Variants in ACSBG1 observed in about 807,000 individuals in gnomAD.
ACSBG1 encodes acyl-CoA synthetase bubblegum family member 1.
In ACSBG1, 39 loss-of-function variants were observed where a neutral mutation model predicts 80.2. The observed-to-expected ratio is 0.49, with a 90% CI of 0.38 to 0.64. ACSBG1 has a LOEUF of 0.64. Ranked by LOEUF, ACSBG1 falls within the 30% of genes least tolerant of loss-of-function variation. The pLI is 0.00. For synonymous variants in ACSBG1, 392 were observed against 379.5 expected (o/e 1.03, Z -0.38); for missense variants, 828 against 966.4 (o/e 0.86, Z 1.90).
Position 78,193,488 on chromosome 15 carries a change from A to C in ACSBG1, c.663+18T>G, listed in dbSNP as rs1328912374. The C allele has an allele frequency of 1.9e-6, 3 of 1,600,044 alleles. No homozygotes were observed. The African/African-American group carries it at 4.0e-5, about 21-fold the overall frequency. On this transcript the variant is annotated intron_variant, in intron 5 of 13. Coordinates refer to ENST00000258873, the MANE Select transcript of ACSBG1 (RefSeq NM_015162.5). The stretch of plus-strand genomic sequence containing the variant: ...ATACCCAGCATCTGACCCCATGCCC[A>C]CTGCCTCTTCCCCAAACCTTCAGGA...
chr15:78,177,832 C>T lies in ACSBG1; in HGVS notation c.1702+782G>A, dbSNP rs1342270520. Among the ~76,000 whole-genome samples the T allele has an allele frequency of 3.3e-5, 5 of 152,156 alleles. No individual in the cohort carries two copies. The highest frequency in any genetic ancestry group is 4.2e-4 in the South Asian group (2 of 4,818). On this transcript the variant is annotated intron_variant, in intron 11 of 13. Coordinates refer to ENST00000258873, the MANE Select transcript of ACSBG1 (RefSeq NM_015162.5). The surrounding 1 kb of genome is among the most constrained non-coding windows in gnomAD (Gnocchi z 4.1). ...GTGCAGGATTCCCACGTGGATGCTG[C>T]GGGCATGACACCAACTTGGGTGAAG...
At chr15:78,209,919 G>C (rs1204105749) in intron 1 of ACSBG1, among the ~76,000 whole-genome samples, 1 of 152,150 alleles carries the variant, frequency 6.6e-6, no homozygotes, top group African/African-American at 2.4e-5. Flanking sequence ...TAATCAAAAG[G>C]TATGGGCAGC....
intron 1 of ACSBG1, among the ~76,000 whole-genome samples, chr15:78,223,495 T>G (rs540301983): frequency 3.9e-5 from 6 of 152,288 alleles, no homozygotes; most frequent in African/African-American, 1.2e-4. Flanking sequence ...AAATCCTAGC[T>G]TAATGAGTCT....
chr15:78,178,627 A>T lies in ACSBG1; in HGVS notation c.1689T>A (p.Thr563=). 1.2e-6 allele frequency: 2 copies of T among 1,611,946 alleles called. No homozygotes were observed. Among genetic ancestry groups the T allele is most frequent in the Non-Finnish European group, 1.7e-6 (2 of 1,179,182 alleles). The part of the protein sequence containing the change: ...RLDADGFLYI[T]GRLKELIITA... ...TGGGGTGCTCACCTTTGAGGCGCCCAGTGATGTAGAGGAAGCCATCGGCGT... is the reference window on the plus strand; with the variant it reads ...TGGGGTGCTCACCTTTGAGGCGCCCTGTGATGTAGAGGAAGCCATCGGCGT... The change falls in exon 11 of 14, where the codon ACT becomes ACA. Residue 563 remains threonine (T), a synonymous_variant. Transcript: ENST00000258873. The surrounding 1 kb of genome is among the most constrained non-coding windows in gnomAD (Gnocchi z 4.3).
chr15:78,226,609 CAAAAA>C, intron 1 of ACSBG1: 1 of 77,732 alleles, frequency 1.3e-5, no homozygotes, highest in Non-Finnish European at 2.5e-5. Flanking sequence ...TCCATCTCTA[CAAAAA>C]AAAAAAAAAC....
rs999938619 is a variant in ACSBG1 at position 78,172,113 on chromosome 15, C to T, written c.2090-584G>A. On this transcript the variant is annotated intron_variant, in intron 13 of 13. Coordinates refer to ENST00000258873, the MANE Select transcript of ACSBG1 (RefSeq NM_015162.5). The surrounding 1 kb of genome is among the most constrained non-coding windows in gnomAD (Gnocchi z 4.1). ...GCCTGCCGACAGCCACGTAAGTGAG[C>T]GCGGAGGTGAGCCTCAGCTGCAAGT... Among the ~76,000 whole-genome samples the T allele has an allele frequency of 3.7e-4, 57 of 152,170 alleles. No individual in the cohort carries two copies. Among genetic ancestry groups the T allele is most frequent in the Admixed American group, 1.1e-3 (17 of 15,272 alleles).
intron 5 of ACSBG1, among the ~76,000 whole-genome samples, chr15:78,183,680 G>C (rs1256697611): frequency 6.6e-6 from 1 of 152,186 alleles, no homozygotes; most frequent in Non-Finnish European, 1.5e-5. Context: ...AAAATTCTTT[G>C]AGTGTTATCT....
chr15:78,185,096 G>A (rs770364630), intron 5 of ACSBG1, among the ~76,000 whole-genome samples: 6 of 151,454 alleles, frequency 4.0e-5, no homozygotes, highest in African/African-American at 7.3e-5. Context: ...ACAGAACCCA[G>A]TTGTCTTACT....
At chr15:78,204,179 T>C (rs2075193060) in intron 2 of ACSBG1, among the ~76,000 whole-genome samples, 1 of 152,234 alleles carries the variant, frequency 6.6e-6, no homozygotes, top group South Asian at 2.1e-4. Flanking sequence ...TGGGCCTCAG[T>C]TTCCCCATCT....
At chr15:78,200,755 T>C (rs1412827404) in intron 2 of ACSBG1, among the ~76,000 whole-genome samples, 2 of 152,170 alleles carry the variant, frequency 1.3e-5, no homozygotes, top group Non-Finnish European at 1.5e-5. Flanking sequence ...TGGGCAGCCA[T>C]GACCTCCAGC....
chr15:78,211,585 A>G (rs1440090052), intron 1 of ACSBG1, among the ~76,000 whole-genome samples: 2 of 152,232 alleles, frequency 1.3e-5, no homozygotes, highest in African/African-American at 2.4e-5. Context: ...AAACAAAAAC[A>G]CTTTATCAGC....
At chr15:78,194,822 G>A (rs2075098292) in intron 2 of ACSBG1, 96 bp from the exon 3 acceptor site, 2 of 1,292,678 alleles carry the variant, frequency 1.5e-6, no homozygotes, top group Non-Finnish European at 2.1e-6. Flanking sequence ...TGCTGACAAT[G>A]CCTTGGGTCC....
Position 78,208,071 on chromosome 15 carries a change from C to G in ACSBG1, c.163G>C (p.Glu55Gln). ...AGCTCGAGAGCATGGTTCAGGGACT[C>G]TTTGGAGAGTGGCTGCCTGTCAGTC... is the stretch of plus-strand genomic sequence containing the variant. Reference protein sequence around the residue: ...SLTDRQPLSKESLNHALELSV... With the variant: ...SLTDRQPLSKQSLNHALELSV... The change falls in exon 2 of 14, where the codon GAG becomes CAG. Residue 55 changes from glutamate (E) to glutamine (Q), a missense_variant. By Grantham distance (29) the Glu-to-Gln change is conservative. Around this residue, in one of 3 missense-constraint regions of ACSBG1, gnomAD observed 356 missense variants for 363.5 expected, o/e 0.98. Coordinates refer to ENST00000258873, the MANE Select transcript of ACSBG1 (RefSeq NM_015162.5). 1.2e-6 allele frequency: 2 copies of G among 1,614,008 alleles called. No homozygotes were observed. Among genetic ancestry groups the G allele is most frequent in the Non-Finnish European group, 8.5e-7 (1 of 1,179,970 alleles).
At chr15:78,187,831 T>C (rs567028833) in intron 5 of ACSBG1, among the ~76,000 whole-genome samples, 8,087 of 152,130 alleles carry the variant, frequency 0.053, 760 homozygotes, top group African/African-American at 0.19. Context: ...CCAGGGCAAT[T>C]AGGCAGGAGA....
rs1045151988 is a variant in ACSBG1 at position 78,168,696 on chromosome 15, A to T, written c.*2748T>A. 5 of 352,714 alleles carry T rather than the reference A, an allele frequency of 1.4e-5. No homozygotes were observed. The Admixed American group carries it at 2.3e-4, about 16-fold the overall frequency. The allele number at this position is 352,714 out of a possible 1,614,324, so 21.8% of individuals were successfully genotyped here. ...CCCTGCCTCCCTTTGCATCAAGAGC[A>T]CCTTATTCTTTGCAGAGTGCTGTTG... On this transcript the variant is annotated 3_prime_UTR_variant, in exon 14 of 14. Coordinates refer to ENST00000258873, the MANE Select transcript of ACSBG1 (RefSeq NM_015162.5).
chr15:78,192,385 C>A (rs2075064443), intron 5 of ACSBG1, among the ~76,000 whole-genome samples: 1 of 152,172 alleles, frequency 6.6e-6, no homozygotes, highest in Non-Finnish European at 1.5e-5. Context: ...TGAGTTTAAA[C>A]CCTGCTCAGA....
intron 1 of ACSBG1, among the ~76,000 whole-genome samples, chr15:78,223,011 CCT>C (rs1463648724): frequency 1.3e-5 from 2 of 152,110 alleles, no homozygotes; most frequent in East Asian, 1.9e-4. Flanking sequence ...ATCTAATTTC[CCT>C]CTCTCAGAAT....
chr15:78,180,094 C>T (rs1046258363), intron 9 of ACSBG1, among the ~76,000 whole-genome samples: 5 of 152,202 alleles, frequency 3.3e-5, no homozygotes, highest in African/African-American at 4.8e-5. Flanking sequence ...TACACATGCA[C>T]AGAAACTTGA....
rs759065248 is a variant in ACSBG1 at position 78,182,510 on chromosome 15, C to T, written c.850G>A (p.Gly284Ser). 4.3e-6 allele frequency: 7 copies of T among 1,614,036 alleles called. No homozygotes were observed. Among genetic ancestry groups the T allele is most frequent in the African/African-American group, 1.3e-5 (1 of 74,906 alleles). Reference protein sequence around the residue: ...NQCCVLVYTSGTTGNPKGVML... With the variant: ...NQCCVLVYTSSTTGNPKGVML... ...ACGCCCTTGGGGTTCCCAGTGGTGC[C>T]GGAAGTGTAGACTAGCACACAGCAC... Residue 284 changes from glycine (G) to serine (S), a missense_variant, in exon 7 of 14, where the codon GGC becomes AGC. Around this residue, in one of 3 missense-constraint regions of ACSBG1, gnomAD observed 271 missense variants for 375.9 expected, o/e 0.72. Coordinates refer to ENST00000258873, the MANE Select transcript of ACSBG1 (RefSeq NM_015162.5).
Sources: gnomAD v4.1 joint callset for allele counts (sites outside exome capture counted in the v4.1 genomes callset) on GRCh38, gnomAD v4.1.1 for gene constraint, gnomAD v4.1.1 regional missense constraint, Gnocchi (gnomAD v3.1) non-coding constraint, MANE v1.5 for transcripts, NCBI Gene and HGNC (gene_info 2026-07-23, HGNC 2026-07-21) for gene names.